Variants in SH3RF2 observed in about 807,000 individuals in gnomAD.
SH3RF2 encodes E3 ubiquitin-protein ligase SH3RF2.
In SH3RF2, 43 loss-of-function variants were observed where a neutral mutation model predicts 59.0. The ratio of observed to expected loss-of-function variants is 0.73; its 90% CI spans 0.57 to 0.94. The LOEUF is 0.94. Among genes scored for constraint, SH3RF2 ranks in the 40% least tolerant of loss-of-function variants. The pLI, the probability that SH3RF2 is intolerant of heterozygous loss-of-function variation, is 0.00. For synonymous variants in SH3RF2, 391 were observed against 391.5 expected (o/e 1.00, Z 0.01); for missense variants, 930 against 940.1 (o/e 0.99, Z 0.14).
At chr5:145,944,198 A>ATTTTAGAT (rs1279703372) in intron 2 of SH3RF2, among the ~76,000 whole-genome samples, 1 of 152,164 alleles carries the variant, frequency 6.6e-6, no homozygotes, top group East Asian at 1.9e-4. Flanking sequence ...TGAATTTCAG[A>ATTTTAGAT]TTTTAGATTT....
At position 146,033,451 on chromosome 5, in the gene SH3RF2, C is replaced by CTTTTTTTTT. The variant is rs558717056; in HGVS notation, c.1060-14293_1060-14285dup. ...AAAATCTATGAGCACTAGCCCTTAG[C>CTTTTTTTTT]TTTTTTTTTTTTTTTTTTTTTTTTT... On this transcript the variant is annotated intron_variant, in intron 5 of 9. Coordinates refer to ENST00000359120, the MANE Select transcript of SH3RF2 (RefSeq NM_152550.4). Among the ~76,000 whole-genome samples, 64 of 71,856 alleles carry CTTTTTTTTT rather than the reference C, an allele frequency of 8.9e-4. 8 individuals are homozygous for CTTTTTTTTT. Among genetic ancestry groups the CTTTTTTTTT allele is most frequent in the Non-Finnish European group, 1.2e-3 (52 of 41,766 alleles). 47.1% of individuals were successfully genotyped at this position (71,856 alleles called of 152,430 possible). A position where few individuals can be genotyped will look rare whatever the true frequency, so the allele number is the denominator to read the frequency against.
At chr5:146,014,428 G>C (rs978676418) in intron 5 of SH3RF2, among the ~76,000 whole-genome samples, 1 of 152,114 alleles carries the variant, frequency 6.6e-6, no homozygotes, top group Non-Finnish European at 1.5e-5. Flanking sequence ...TCTCGAGAGT[G>C]TTTTGGCATC....
At chr5:145,972,450 C>G (rs1759123006) in intron 2 of SH3RF2, among the ~76,000 whole-genome samples, 2 of 152,174 alleles carry the variant, frequency 1.3e-5, no homozygotes, top group Admixed American at 1.3e-4. Context: ...GAACTGCTAA[C>G]ACCACCACCA....
intron 5 of SH3RF2, among the ~76,000 whole-genome samples, chr5:146,023,607 T>G (rs1309138568): frequency 1.3e-5 from 2 of 152,180 alleles, no homozygotes; most frequent in African/African-American, 4.8e-5. Context: ...AAGTACTTGT[T>G]TTTTAGTTTG....
downstream of SH3RF2, among the ~76,000 whole-genome samples, chr5:146,064,656 GAGAGAA>G (rs1561773045): frequency 0.019 from 250 of 13,356 alleles, 1 homozygote; most frequent in East Asian, 0.25. Context: ...GAAAGAGAGA[GAGAGAA>G]AGAGAAAGAA....
intron 2 of SH3RF2, among the ~76,000 whole-genome samples, chr5:145,939,342 C>T (rs1040549346): frequency 2.6e-5 from 4 of 152,216 alleles, no homozygotes; most frequent in Admixed American, 2.6e-4. Context: ...CCCACATCTC[C>T]CTGCTCTGAA....
intron 9 of SH3RF2, among the ~76,000 whole-genome samples, chr5:146,061,557 G>A (rs1273702365): frequency 6.6e-6 from 1 of 152,126 alleles, no homozygotes; most frequent in Non-Finnish European, 1.5e-5. Context: ...GGGATACTAG[G>A]GTTGCATTAC....
chr5:145,992,173 A>G (rs540705602), intron 2 of SH3RF2, among the ~76,000 whole-genome samples: 1 of 152,212 alleles, frequency 6.6e-6, no homozygotes, highest in South Asian at 2.1e-4. Flanking sequence ...GGAGTTTGAG[A>G]CCAGCCTGAA....
chr5:145,995,999 C>T (rs1760132961), intron 2 of SH3RF2, among the ~76,000 whole-genome samples: 2 of 152,160 alleles, frequency 1.3e-5, no homozygotes, highest in South Asian at 4.1e-4. Context: ...CCCCCTAGCA[C>T]ATATATCTTT....
intron 4 of SH3RF2, among the ~76,000 whole-genome samples, chr5:146,006,085 A>T (rs1760633916): frequency 6.6e-6 from 1 of 152,196 alleles, no homozygotes; most frequent in Admixed American, 6.6e-5. Flanking sequence ...CAGAGACTAT[A>T]AATTCAGAAA....
At chr5:146,027,379 G>A (rs945429329) in intron 5 of SH3RF2, among the ~76,000 whole-genome samples, 11 of 152,136 alleles carry the variant, frequency 7.2e-5, no homozygotes, top group East Asian at 1.9e-4. Context: ...CCTGGCAAGC[G>A]TCCAAAGCCC....
chr5:145,974,117 G>A (rs946628655), intron 2 of SH3RF2, among the ~76,000 whole-genome samples: 1 of 152,158 alleles, frequency 6.6e-6, no homozygotes, highest in Non-Finnish European at 1.5e-5. Flanking sequence ...CCTTGTGGCT[G>A]TAAAACTGAG....
intron 7 of SH3RF2, among the ~76,000 whole-genome samples, chr5:146,051,878 T>G (rs1456986573): frequency 6.6e-6 from 1 of 152,172 alleles, no homozygotes; most frequent in African/African-American, 2.4e-5. Flanking sequence ...AGCCAGAAGC[T>G]GAAATCTTCA....
intron 2 of SH3RF2, among the ~76,000 whole-genome samples, chr5:145,967,542 G>A (rs1485334025): frequency 6.6e-6 from 1 of 152,214 alleles, no homozygotes; most frequent in Non-Finnish European, 1.5e-5. Context: ...TGTGAACCCA[G>A]GTCTGCCTAA....
At chr5:146,072,680 G>A (rs1338183333) in intron 9 of SH3RF2, among the ~76,000 whole-genome samples, 2 of 151,770 alleles carry the variant, frequency 1.3e-5, no homozygotes. Flanking sequence ...AAAAAAAAAA[G>A]AACAGAATCT....
downstream of SH3RF2, among the ~76,000 whole-genome samples, chr5:146,067,402 G>T (rs149959554): frequency 3.0e-4 from 45 of 152,286 alleles, no homozygotes; most frequent in Non-Finnish European, 4.6e-4. Context: ...CCTGAATTAG[G>T]CACATTCCCT....
At chr5:146,013,476 G>C (rs531782709) in intron 4 of SH3RF2, among the ~76,000 whole-genome samples, 1 of 152,286 alleles carries the variant, frequency 6.6e-6, no homozygotes, top group East Asian at 1.9e-4. Flanking sequence ...CCAGGGAAGA[G>C]CATCATGGCT....
In SH3RF2 at chr5:146,014,844, G is replaced by A. The variant is rs144454991; in HGVS notation, c.1059+783G>A. Among the ~76,000 whole-genome samples the A allele has an allele frequency of 1.9e-3, 288 of 152,312 alleles. 1 individual carries two copies. Among genetic ancestry groups the A allele is most frequent in the African/African-American group, 4.8e-3 (201 of 41,554 alleles). The stretch of plus-strand genomic sequence containing the variant: ...TCACTGTGTTGCCAACTGAAGACGC[G>A]TAGGGGTGGTCGTGGCAATCCAGAA... On this transcript the variant is annotated intron_variant, in intron 5 of 9. Coordinates refer to ENST00000359120, the MANE Select transcript of SH3RF2 (RefSeq NM_152550.4).
chr5:146,054,919 T>G (rs1762618339), intron 7 of SH3RF2, among the ~76,000 whole-genome samples: 1 of 152,066 alleles, frequency 6.6e-6, no homozygotes, highest in Non-Finnish European at 1.5e-5. Context: ...ATCAACAGGG[T>G]GACAAGGTGA....
Sources: allele counts gnomAD v4.1 joint callset (sites outside exome capture counted in the v4.1 genomes callset), GRCh38; gene constraint gnomAD v4.1.1; transcripts MANE v1.5; gene names NCBI Gene and HGNC (gene_info 2026-07-23, HGNC 2026-07-21).